Variants in ZNF595 observed in about 807,000 individuals in gnomAD.
ZNF595 encodes the protein zinc finger protein 595.
ZNF595 carries 9 observed loss-of-function variants against 19.4 expected under a neutral mutation model. The observed-to-expected ratio is 0.46, with a 90% confidence interval of 0.28 to 0.81. The LOEUF (loss-of-function observed/expected upper bound fraction) is 0.81, where lower values mean the gene tolerates loss of function less well. Among genes scored for constraint, ZNF595 ranks in the 30% least tolerant of loss-of-function variants. The pLI is 0.11. For synonymous variants in ZNF595, 255 were observed against 255.9 expected, an observed-to-expected ratio of 1.00 and a Z score of 0.03; for missense variants, 729 against 736.0, an observed-to-expected ratio of 0.99 and a Z score of 0.11.
rs782101751 is a variant in ZNF595 at position 86,454 on chromosome 4, G to A, written c.950G>A (p.Cys317Tyr). Residue 317 changes from cysteine to tyrosine, a missense_variant, in exon 4 of 4, where the codon TGT (cysteine) becomes TAT (tyrosine). By Grantham distance (194) the Cys-to-Tyr change is radical. Around this residue, in one of 2 missense-constraint regions of ZNF595, gnomAD observed 729 missense variants for 675.3 expected, o/e 1.08. Transcript: ENST00000610261. ...GAGAAACCCTACAAATGTAAAGAAT[G>A]TGGCAAAGCCTTTAGACAGTCCAGG... ...TGEKPYKCKE[C>Y]GKAFRQSRSL... 3.7e-6 allele frequency: 6 copies of A among 1,614,060 alleles called. No homozygotes were observed. The South Asian group carries it at 5.5e-5, about 15-fold the overall frequency.
chr4:87,145 G>A lies in ZNF595; in HGVS notation c.1641G>A (p.Arg547=), dbSNP rs542713895. The change falls in exon 4 of 4, where the codon CGG becomes CGA. Residue 547 remains arginine, a synonymous_variant. Coordinates refer to ENST00000610261, the MANE Select transcript of ZNF595 (RefSeq NM_182524.4). ...KCEECGKAFT[R]STALNEHKKI... ...AAGAATGTGGCAAAGCCTTTACTCG[G>A]TCCACAGCCCTGAATGAACATAAGA... 71 of 1,613,736 alleles carry A rather than the reference G, an allele frequency of 4.4e-5. No homozygotes were observed. Among genetic ancestry groups the A allele is most frequent in the Non-Finnish European group, 5.5e-5 (65 of 1,179,926 alleles).
At position 80,744 on chromosome 4, in the gene ZNF595, A is replaced by C. The variant is rs534731615; in HGVS notation, c.227-4987A>C. On this transcript the variant is annotated intron_variant, in intron 3 of 3. Transcript: ENST00000610261. The stretch of plus-strand genomic sequence containing the variant: ...AGGTAATGTCATCAGTTAAGGCAGG[A>C]AGCAGCCATTTTCACTTCTTTTGTG... 1.7e-3 allele frequency among the ~76,000 whole-genome samples: 261 copies of C among 152,272 alleles called. 1 individual carries two copies. Among genetic ancestry groups the C allele is most frequent in the South Asian group, 0.013 (62 of 4,820 alleles).
chr4:54,918 G>T (rs2108742309), intron 1 of ZNF595, among the ~76,000 whole-genome samples: 1 of 152,404 alleles, frequency 6.6e-6, no homozygotes, highest in East Asian at 1.9e-4. Flanking sequence ...GTCTTGCTCT[G>T]TTGCCCAGGC....
chr4:71,651 TGAGTG>T (rs1713436936), intron 3 of ZNF595, among the ~76,000 whole-genome samples: 2 of 152,226 alleles, frequency 1.3e-5, no homozygotes, highest in Non-Finnish European at 1.5e-5. Context: ...CGGGAGCAGC[TGAGTG>T]CCCTGATGCT....
Position 86,429 on chromosome 4 carries a change from G to C in ZNF595, c.925G>C (p.Glu309Gln), listed in dbSNP as rs1047032155. 5.0e-6 allele frequency: 8 copies of C among 1,613,924 alleles called. No homozygotes were observed. Among genetic ancestry groups the C allele is most frequent in the Non-Finnish European group, 6.8e-6 (8 of 1,179,960 alleles). Residue 309 changes from glutamate (E) to glutamine (Q), a missense_variant, in exon 4 of 4, where the codon GAG becomes CAG. Transcript: ENST00000610261. ...TGAACATAAGAATATTCATACTGGA[G>C]AGAAACCCTACAAATGTAAAGAATG... ...LNEHKNIHTG[E>Q]KPYKCKECGK...
chr4:73,644 C>T (rs1713523166), intron 3 of ZNF595, among the ~76,000 whole-genome samples: 1 of 152,194 alleles, frequency 6.6e-6, no homozygotes, highest in Non-Finnish European at 1.5e-5. Flanking sequence ...AACCCACCTC[C>T]TCTTTTCCCG....
chr4:70,630 T>C (rs1291120406), intron 3 of ZNF595, among the ~76,000 whole-genome samples: 1 of 152,178 alleles, frequency 6.6e-6, no homozygotes, highest in Non-Finnish European at 1.5e-5. Flanking sequence ...GTCAGCATGC[T>C]CAGCCTCCAA....
At chr4:60,978 A>G (rs1712833211) in intron 3 of ZNF595, among the ~76,000 whole-genome samples, 1 of 152,034 alleles carries the variant, frequency 6.6e-6, no homozygotes, top group Admixed American at 6.6e-5. Flanking sequence ...GGACACACTT[A>G]AAATTATAAA....
chr4:66,137 G>T, intron 3 of ZNF595, among the ~76,000 whole-genome samples: 2 of 144,162 alleles, frequency 1.4e-5, no homozygotes, highest in African/African-American at 2.6e-5. Context: ...AGTGTACAAG[G>T]GTTTCAATTT....
chr4:73,399 C>T (rs1713511159), intron 3 of ZNF595, among the ~76,000 whole-genome samples: 1 of 152,110 alleles, frequency 6.6e-6, no homozygotes, highest in Non-Finnish European at 1.5e-5. Flanking sequence ...GTCCAGGGGC[C>T]TGGGTAAAGG....
intron 3 of ZNF595, among the ~76,000 whole-genome samples, chr4:70,544 G>C (rs1553797724): frequency 6.6e-6 from 1 of 152,012 alleles, no homozygotes; most frequent in Non-Finnish European, 1.5e-5. Context: ...CACCATGTTG[G>C]CCACTCTGGT....
At chr4:73,600 G>A (rs567220341) in intron 3 of ZNF595, among the ~76,000 whole-genome samples, 5 of 152,274 alleles carry the variant, frequency 3.3e-5, no homozygotes, top group Admixed American at 6.5e-5. Context: ...ACAAAGGATT[G>A]GAGAGACCAT....
intron 3 of ZNF595, among the ~76,000 whole-genome samples, chr4:66,231 T>A (rs1280529938): frequency 1.3e-5 from 2 of 151,878 alleles, no homozygotes; most frequent in Middle Eastern, 3.4e-3. Flanking sequence ...ATTGTGGTTT[T>A]TCTTTACATT....
intron 3 of ZNF595, among the ~76,000 whole-genome samples, chr4:83,286 A>G (rs1177930245): frequency 3.3e-5 from 5 of 151,876 alleles, no homozygotes; most frequent in Non-Finnish European, 7.4e-5. Flanking sequence ...TGCCTTTTTC[A>G]GTCTCCTTTA....
chr4:82,335 GT>G (rs1457496475), intron 3 of ZNF595, among the ~76,000 whole-genome samples: 1 of 94,476 alleles, frequency 1.1e-5, no homozygotes, highest in Non-Finnish European at 2.3e-5. Flanking sequence ...AGTTTGTGTT[GT>G]TTAATTTCTA....
At chr4:82,372 G>GT (rs34932652) in intron 3 of ZNF595, among the ~76,000 whole-genome samples, 1,807 of 85,814 alleles carry the variant, frequency 0.021, 233 homozygotes, top group Non-Finnish European at 0.029. Context: ...TTGGTTTGTG[G>GT]TTTTTTTTTT....
chr4:79,291 A>G (rs1713805705), intron 3 of ZNF595, among the ~76,000 whole-genome samples: 1 of 152,240 alleles, frequency 6.6e-6, no homozygotes, highest in South Asian at 2.1e-4. Flanking sequence ...TTTAAAATGA[A>G]ATAATATGTA....
At chr4:76,425 A>G (rs150959184) in intron 3 of ZNF595, among the ~76,000 whole-genome samples, 139 of 152,260 alleles carry the variant, frequency 9.1e-4, no homozygotes, top group African/African-American at 3.3e-3. Context: ...TTGAGGCTAT[A>G]TATATTTTAA....
intron 3 of ZNF595, among the ~76,000 whole-genome samples, chr4:70,291 C>A (rs1223199507): frequency 6.6e-6 from 1 of 151,244 alleles, no homozygotes; most frequent in Non-Finnish European, 1.5e-5. Flanking sequence ...TAGTTTCGTT[C>A]TTCTGAATAT....
Sources: gnomAD v4.1 joint callset for allele counts (sites outside exome capture counted in the v4.1 genomes callset) on GRCh38, gnomAD v4.1.1 for gene constraint, gnomAD v4.1.1 regional missense constraint, MANE v1.5 for transcripts, NCBI Gene and HGNC (gene_info 2026-07-23, HGNC 2026-07-21) for gene names.